Variants in CCSER1 observed in about 807,000 individuals in gnomAD.
CCSER1 encodes the protein serine-rich coiled-coil domain-containing protein 1.
CCSER1 carries 41 observed loss-of-function variants against 82.0 expected under a neutral mutation model. That is an observed-to-expected ratio of 0.50 (90% confidence interval 0.39 to 0.65). The LOEUF is 0.65. CCSER1 is among the 30% of genes least tolerant of loss of function. The pLI is 0.00. For synonymous variants in CCSER1, 414 were observed against 383.9 expected (o/e 1.08, Z -0.92); for missense variants, 1,119 against 1,064.2 (o/e 1.05, Z -0.72).
chr4:90,154,367 T>C (rs1165764455), intron 1 of CCSER1, among the ~76,000 whole-genome samples: 2 of 152,202 alleles, frequency 1.3e-5, no homozygotes, highest in African/African-American at 2.4e-5. Flanking sequence ...TGCGGGCTCT[T>C]TTTTGGTTCC....
chr4:90,801,300 AC>A (rs1269329813), intron 7 of CCSER1, among the ~76,000 whole-genome samples: 2 of 152,122 alleles, frequency 1.3e-5, no homozygotes, highest in African/African-American at 4.8e-5. Flanking sequence ...TATGTCTGAA[AC>A]CCTACTTATT....
chr4:91,443,858 AT>A (rs1483485552), intron 10 of CCSER1, among the ~76,000 whole-genome samples: 1 of 151,382 alleles, frequency 6.6e-6, no homozygotes, highest in Non-Finnish European at 1.5e-5. Flanking sequence ...ATTCAGAATA[AT>A]TTATTTGTCC....
At chr4:90,737,533 T>A (rs575171226) in intron 7 of CCSER1, among the ~76,000 whole-genome samples, 3 of 152,314 alleles carry the variant, frequency 2.0e-5, no homozygotes, top group Admixed American at 1.3e-4. Flanking sequence ...TGCTGCTTTT[T>A]AGGATCCTTT....
chr4:91,317,842 G>A (rs947680395), intron 10 of CCSER1, among the ~76,000 whole-genome samples: 19 of 151,972 alleles, frequency 1.3e-4, no homozygotes, highest in African/African-American at 4.6e-4. Flanking sequence ...ACAATTGGGG[G>A]CTTACTGAAA....
intron 10 of CCSER1, among the ~76,000 whole-genome samples, chr4:91,367,708 T>A (rs1749733948): frequency 6.6e-6 from 1 of 152,204 alleles, no homozygotes; most frequent in Non-Finnish European, 1.5e-5. Context: ...AAGACTTTCC[T>A]CTCTCAATAC....
intron 1 of CCSER1, among the ~76,000 whole-genome samples, chr4:90,215,570 C>G (rs1167401447): frequency 1.3e-5 from 2 of 151,054 alleles, no homozygotes; most frequent in African/African-American, 4.9e-5. Flanking sequence ...AATATGCACA[C>G]CTGGTTAAAA....
At chr4:90,376,186 A>C (rs1305526097) in intron 3 of CCSER1, among the ~76,000 whole-genome samples, 1 of 152,072 alleles carries the variant, frequency 6.6e-6, no homozygotes, top group South Asian at 2.1e-4. Flanking sequence ...CTTCAAAATT[A>C]GGCTGCCTGT....
At chr4:90,389,591 A>G (rs963675487) in intron 3 of CCSER1, among the ~76,000 whole-genome samples, 5 of 152,182 alleles carry the variant, frequency 3.3e-5, no homozygotes, top group Non-Finnish European at 5.9e-5. Context: ...TTTTCTTTAC[A>G]TTATAGTGAT....
chr4:90,900,298 G>T (rs1561328569), intron 8 of CCSER1, among the ~76,000 whole-genome samples: 1 of 151,706 alleles, frequency 6.6e-6, no homozygotes, highest in Non-Finnish European at 1.5e-5. Flanking sequence ...TATTTCTGTG[G>T]TATCAGTTGT....
intron 10 of CCSER1, among the ~76,000 whole-genome samples, chr4:91,251,267 A>C (rs1018638889): frequency 1.2e-4 from 19 of 152,152 alleles, no homozygotes; most frequent in Non-Finnish European, 2.1e-4. Context: ...GTTGATTGCC[A>C]CTTTCTTGCT....
At chr4:90,506,596 C>T (rs920773499) in intron 5 of CCSER1, among the ~76,000 whole-genome samples, 62 of 152,030 alleles carry the variant, frequency 4.1e-4, no homozygotes, top group Non-Finnish European at 7.5e-4. Context: ...AACCCTGTCT[C>T]TACTAAAAAA....
intron 10 of CCSER1, among the ~76,000 whole-genome samples, chr4:91,119,458 T>C (rs1369665813): frequency 1.3e-5 from 2 of 152,058 alleles, no homozygotes; most frequent in Non-Finnish European, 2.9e-5. Flanking sequence ...ACTTCACTCA[T>C]ATTTTTAGAT....
At chr4:91,456,504 C>T (rs552291365) in intron 10 of CCSER1, among the ~76,000 whole-genome samples, 43 of 152,172 alleles carry the variant, frequency 2.8e-4, no homozygotes, top group African/African-American at 1.0e-3. Context: ...GCTTGTTATG[C>T]ACTTTCTAAC....
chr4:90,926,967 A>G (rs1272947350), intron 9 of CCSER1, among the ~76,000 whole-genome samples: 1 of 152,048 alleles, frequency 6.6e-6, no homozygotes, highest in Non-Finnish European at 1.5e-5. Flanking sequence ...GTATAAACAG[A>G]TGTTTCAATG....
At chr4:90,274,201 C>A (rs1452344086) in intron 1 of CCSER1, among the ~76,000 whole-genome samples, 1 of 152,050 alleles carries the variant, frequency 6.6e-6, no homozygotes, top group African/African-American at 2.4e-5. Flanking sequence ...TGGGGTAGAG[C>A]TTTACCCAAA....
At chr4:91,009,838 A>G (rs1055975826) in intron 9 of CCSER1, among the ~76,000 whole-genome samples, 7 of 152,056 alleles carry the variant, frequency 4.6e-5, no homozygotes, top group African/African-American at 1.7e-4. Flanking sequence ...ACATCTTTTT[A>G]TATTATGGAA....
intron 4 of CCSER1, among the ~76,000 whole-genome samples, 184 bp downstream of exon 4, chr4:90,400,313 C>G (rs921427983): frequency 1.3e-5 from 2 of 151,794 alleles, no homozygotes; most frequent in South Asian, 2.1e-4. Flanking sequence ...GATTTTAAAG[C>G]CTTTTATGGA....
At chr4:90,362,141 G>A (rs1277523733) in intron 3 of CCSER1, among the ~76,000 whole-genome samples, 1 of 152,144 alleles carries the variant, frequency 6.6e-6, no homozygotes, top group Non-Finnish European at 1.5e-5. Flanking sequence ...GCCATGAGTA[G>A]TAAAGTTCTT....
At chr4:90,696,452 A>T (rs1342049736) in intron 6 of CCSER1, among the ~76,000 whole-genome samples, 1 of 152,270 alleles carries the variant, frequency 6.6e-6, no homozygotes, top group South Asian at 2.1e-4. Flanking sequence ...AAGCAGAATT[A>T]ACCAAAATAA....
Sources: allele counts gnomAD v4.1 joint callset (sites outside exome capture counted in the v4.1 genomes callset), GRCh38; gene constraint gnomAD v4.1.1; transcripts MANE v1.5; gene names NCBI Gene and HGNC (gene_info 2026-07-23, HGNC 2026-07-21).